Variants in PPP1R14C observed in about 807,000 individuals in gnomAD.
PPP1R14C encodes the protein protein phosphatase 1 regulatory subunit 14C.
PPP1R14C carries 16 observed loss-of-function variants against 20.4 expected under a neutral mutation model. The ratio of observed to expected loss-of-function variants is 0.78; its 90% CI spans 0.53 to 1.19. PPP1R14C has a LOEUF of 1.19. Among genes scored for constraint, PPP1R14C ranks in the 50% most tolerant of loss-of-function variants. PPP1R14C has a pLI of 0.00. For missense variants in PPP1R14C, 211 were observed against 220.1 expected, an observed-to-expected ratio of 0.96 and a Z score of 0.26; for synonymous variants, 91 against 91.0, an observed-to-expected ratio of 1.00 and a Z score of 0.00.
At chr6:150,151,983 A>G (rs992729090) in intron 1 of PPP1R14C, among the ~76,000 whole-genome samples, 2 of 151,360 alleles carry the variant, frequency 1.3e-5, no homozygotes, top group African/African-American at 2.4e-5. Flanking sequence ...AGCCGGGCGT[A>G]GTGGCGGGCG....
chr6:150,243,955 T>A (rs1778462769), intron 3 of PPP1R14C, among the ~76,000 whole-genome samples: 1 of 152,168 alleles, frequency 6.6e-6, no homozygotes, highest in South Asian at 2.1e-4. Context: ...TGTAAAACTC[T>A]GGAGAAGGAA....
intron 1 of PPP1R14C, among the ~76,000 whole-genome samples, chr6:150,170,499 T>A (rs540336250): frequency 4.6e-5 from 7 of 152,102 alleles, no homozygotes; most frequent in Non-Finnish European, 1.0e-4. Flanking sequence ...TTTTTTTGTA[T>A]TTTTAGTAGA....
At chr6:150,246,603 C>A (rs1778495678) in intron 3 of PPP1R14C, among the ~76,000 whole-genome samples, 1 of 152,186 alleles carries the variant, frequency 6.6e-6, no homozygotes, top group Non-Finnish European at 1.5e-5. Context: ...TGTACAAGTT[C>A]AGAAATGGTG....
At chr6:150,165,837 T>G (rs1248099266) in intron 1 of PPP1R14C, among the ~76,000 whole-genome samples, 4 of 152,198 alleles carry the variant, frequency 2.6e-5, no homozygotes, top group Non-Finnish European at 5.9e-5. Flanking sequence ...GAAAAAGAGA[T>G]GAAAATAAAT....
At position 150,201,669 on chromosome 6, in the gene PPP1R14C, T is replaced by A. The variant is rs1777879325; in HGVS notation, c.307-13075T>A. On this transcript the variant is annotated intron_variant, in intron 1 of 3. Coordinates refer to ENST00000361131, the MANE Select transcript of PPP1R14C (RefSeq NM_030949.3). The surrounding 1 kb of genome is among the most constrained non-coding windows in gnomAD (Gnocchi z 4.2). ...AGATCTGTGTTCTTAAAGTTGCTAC[T>A]CTGGCTACAGAGTGGAAACTGGGAT... is the stretch of plus-strand genomic sequence containing the variant. Among the ~76,000 whole-genome samples, 1 of 152,192 alleles carries A rather than the reference T, an allele frequency of 6.6e-6. No individual in the cohort carries two copies. The highest frequency in any genetic ancestry group is 1.5e-5 in the Non-Finnish European group (1 of 68,028).
chr6:150,200,269 A>C (rs1019795815), intron 1 of PPP1R14C, among the ~76,000 whole-genome samples: 3 of 152,068 alleles, frequency 2.0e-5, no homozygotes, highest in Middle Eastern at 3.4e-3. Flanking sequence ...ACAATGAAAA[A>C]CCAGTTAACT....
chr6:150,184,162 C>T (rs17079385), intron 1 of PPP1R14C, among the ~76,000 whole-genome samples: 2,218 of 152,270 alleles, frequency 0.015, 54 homozygotes, highest in African/African-American at 0.051. Flanking sequence ...CATCCAAGTG[C>T]GCGTGGAGAA....
chr6:150,143,481 C>T lies in PPP1R14C; in HGVS notation c.289C>T (p.Gln97Ter), dbSNP rs775018686. The change falls in exon 1 of 4, where the codon CAG (glutamine) becomes TAG (stop). Residue 97 changes from glutamine to a stop codon, truncating the protein, a stop_gained. Coordinates refer to ENST00000361131, the MANE Select transcript of PPP1R14C (RefSeq NM_030949.3). LOFTEE classifies it high-confidence loss of function. This position sits in a 1 kb window ranked among gnomAD's most constrained non-coding sequence, Gnocchi z 5.6. ...LEEWIVEQLG[Q>*]LYGCEEEEMP... ...GGAATGGATCGTGGAGCAGCTGGGT[C>T]AGCTCTACGGCTGCGAGGTACCTGG... 6.3e-7 allele frequency: 1 copy of T among 1,597,592 alleles called. No homozygotes were observed. The highest frequency in any genetic ancestry group is 1.1e-5 in the South Asian group (1 of 88,754).
At chr6:150,178,566 C>G (rs998207586) in intron 1 of PPP1R14C, among the ~76,000 whole-genome samples, 1 of 152,216 alleles carries the variant, frequency 6.6e-6, no homozygotes, top group African/African-American at 2.4e-5. Context: ...TGTGAAGTAT[C>G]TCAACCAAAG....
At chr6:150,204,955 A>G (rs1777925972) in intron 1 of PPP1R14C, among the ~76,000 whole-genome samples, 1 of 150,374 alleles carries the variant, frequency 6.7e-6, no homozygotes. Flanking sequence ...CTTTGAGATC[A>G]AGGCTGGGCA....
chr6:150,215,504 G>A (rs937338940), intron 2 of PPP1R14C, among the ~76,000 whole-genome samples: 1 of 152,162 alleles, frequency 6.6e-6, no homozygotes, highest in Non-Finnish European at 1.5e-5. Context: ...TACTGTTAAT[G>A]ACTGTTGGTG....
At chr6:150,206,852 T>TG (rs1042042370) in intron 1 of PPP1R14C, among the ~76,000 whole-genome samples, 2 of 150,478 alleles carry the variant, frequency 1.3e-5, no homozygotes, top group African/African-American at 4.9e-5. Flanking sequence ...TGATGTTTTT[T>TG]TTTGTTTGTT....
rs536626771 is a variant in PPP1R14C, at chr6:150,201,816, A to G, written c.307-12928A>G. Among the ~76,000 whole-genome samples, 1 of 152,242 alleles carries G rather than the reference A, an allele frequency of 6.6e-6. No homozygotes were observed. The highest frequency in any genetic ancestry group is 2.4e-5 in the African/African-American group (1 of 41,550). ...AGGTGGTACAAAGTGCAGGTTCAGG[A>G]GACGGTAAGCCATAGAATTGACAGT... On this transcript the variant is annotated intron_variant, in intron 1 of 3. Transcript: ENST00000361131. The surrounding 1 kb of genome is among the most constrained non-coding windows in gnomAD (Gnocchi z 4.2).
intron 1 of PPP1R14C, among the ~76,000 whole-genome samples, chr6:150,147,746 A>T (rs547580268): frequency 3.2e-4 from 49 of 152,274 alleles, no homozygotes; most frequent in African/African-American, 1.1e-3. Flanking sequence ...CTGTCACCTT[A>T]GTAGGTCTTT....
chr6:150,223,691 G>T (rs946785777), intron 3 of PPP1R14C, among the ~76,000 whole-genome samples: 3 of 151,830 alleles, frequency 2.0e-5, no homozygotes, highest in Non-Finnish European at 4.4e-5. Flanking sequence ...CTTTTAACTG[G>T]GTGTGTTTGT....
At chr6:150,226,628 A>T (rs922028909) in intron 3 of PPP1R14C, among the ~76,000 whole-genome samples, 8 of 152,104 alleles carry the variant, frequency 5.3e-5, no homozygotes, top group Admixed American at 4.6e-4. Context: ...GAGCTTTTTT[A>T]AAAAAATCTC....
chr6:150,185,273 G>C lies in PPP1R14C; in HGVS notation c.307-29471G>C, dbSNP rs1777664238. On this transcript the variant is annotated intron_variant, in intron 1 of 3. Transcript: ENST00000361131. The surrounding 1 kb of genome is among the most constrained non-coding windows in gnomAD (Gnocchi z 4.1). ...TGTGAGGATGAAGGGGTTAAATGCAGGTGAAACCCTTAGAGAAGTGCCTAG... is the reference window on the plus strand; with the variant it reads ...TGTGAGGATGAAGGGGTTAAATGCACGTGAAACCCTTAGAGAAGTGCCTAG... Among the ~76,000 whole-genome samples the C allele has an allele frequency of 6.6e-6, 1 of 152,162 alleles. No homozygotes were observed. The highest frequency in any genetic ancestry group is 2.4e-5 in the African/African-American group (1 of 41,434).
At chr6:150,148,754 A>C (rs866368734) in intron 1 of PPP1R14C, among the ~76,000 whole-genome samples, 14 of 152,220 alleles carry the variant, frequency 9.2e-5, no homozygotes, top group Admixed American at 2.6e-4. Context: ...TCAACCTGTC[A>C]ACTACTAAGG....
At chr6:150,219,810 T>C (rs973523831) in intron 3 of PPP1R14C, among the ~76,000 whole-genome samples, 2 of 152,190 alleles carry the variant, frequency 1.3e-5, no homozygotes, top group African/African-American at 2.4e-5. Flanking sequence ...CATTTTAATA[T>C]GGGGAGACAG....
Sources: gnomAD v4.1 joint callset for allele counts (sites outside exome capture counted in the v4.1 genomes callset) on GRCh38, gnomAD v4.1.1 for gene constraint, Gnocchi (gnomAD v3.1) non-coding constraint, MANE v1.5 for transcripts, NCBI Gene and HGNC (gene_info 2026-07-23, HGNC 2026-07-21) for gene names.